CTPS1: variants seen among roughly 807,000 people sequenced by gnomAD.
CTPS1 encodes CTP synthetase 1.
A neutral mutation model predicts 80.5 loss-of-function variants in CTPS1; 25 were observed. The observed-to-expected ratio is 0.31, with a 90% confidence interval of 0.23 to 0.43. The LOEUF (loss-of-function observed/expected upper bound fraction) is 0.43. Ranked by LOEUF, CTPS1 falls within the 20% of genes least tolerant of loss-of-function variation. The pLI is 1.00. For missense variants in CTPS1, 442 were observed against 725.7 expected (o/e 0.61, Z 4.49); for synonymous variants, 267 against 252.5 (o/e 1.06, Z -0.54).
chr1:40,997,305 G>C (rs1470839043), intron 8 of CTPS1, 89 bp from the exon 9 acceptor site: 18 of 1,473,418 alleles, frequency 1.2e-5, no homozygotes, highest in Non-Finnish European at 1.5e-5. Flanking sequence ...GGCCAGACGT[G>C]GTTTTTTTTC....
chr1:41,003,309 G>A (rs1642954716), intron 12 of CTPS1, 133 bp downstream of exon 12: 3 of 895,598 alleles, frequency 3.3e-6, no homozygotes, highest in Non-Finnish European at 5.4e-6. Flanking sequence ...ATGGTGTGCC[G>A]TAAGGGAGCT....
At chr1:40,990,822 A>G (rs1225893938) in intron 5 of CTPS1, among the ~76,000 whole-genome samples, 1 of 152,188 alleles carries the variant, frequency 6.6e-6, no homozygotes, top group Admixed American at 6.5e-5. Flanking sequence ...GAAAGTGTCT[A>G]ATGGGGGCAG....
intron 17 of CTPS1, 82 bp from the exon 18 acceptor site, chr1:41,010,079 T>C: frequency 1.1e-6 from 1 of 872,248 alleles, no homozygotes; most frequent in Middle Eastern, 2.2e-4. Flanking sequence ...CAAGTGTCCC[T>C]GTAGGAACCG....
At chr1:40,994,782 T>C (rs954350471) in intron 7 of CTPS1, among the ~76,000 whole-genome samples, 6 of 152,258 alleles carry the variant, frequency 3.9e-5, no homozygotes, top group Non-Finnish European at 7.3e-5. Flanking sequence ...AACATTAATA[T>C]TAAACCATGT....
At chr1:40,983,984 T>C (rs1242832315) in intron 2 of CTPS1, among the ~76,000 whole-genome samples, 1 of 152,218 alleles carries the variant, frequency 6.6e-6, no homozygotes, top group Non-Finnish European at 1.5e-5. Flanking sequence ...AAAGATTAAT[T>C]GCTTAAAACT....
Position 41,006,162 on chromosome 1 carries a change from G to T in CTPS1, c.1296+68G>T, listed in dbSNP as rs769146378. The stretch of plus-strand genomic sequence containing the variant: ...AGAAGGGGCATTTATGAACGTGATT[G>T]ATGATTAGAGACAAGAAGTGAGACT... On this transcript the variant is annotated intron_variant, in intron 13 of 18. Transcript: ENST00000650070. 186 of 1,300,838 alleles carry T rather than the reference G, an allele frequency of 1.4e-4. 1 individual carries two copies. The highest frequency in any genetic ancestry group is 1.9e-4 in the Non-Finnish European group (168 of 899,918). The allele number at this position is 1,300,838 out of a possible 1,614,324, so 80.6% of individuals were successfully genotyped here.
intron 9 of CTPS1, among the ~76,000 whole-genome samples, chr1:40,999,921 G>A (rs1053203162): frequency 6.6e-6 from 1 of 152,128 alleles, no homozygotes; most frequent in African/African-American, 2.4e-5. Context: ...GCTCTGCTGT[G>A]GGAGGATCGC....
At chr1:41,008,952 A>C in intron 16 of CTPS1, 62 bp downstream of exon 16, 1 of 1,285,900 alleles carries the variant, frequency 7.8e-7, no homozygotes, top group Non-Finnish European at 1.1e-6. Flanking sequence ...GCATATGGGA[A>C]AATATAAAAA....
In CTPS1 at chr1:40,988,605, C is replaced by T. The variant is rs779429212; in HGVS notation, c.450C>T (p.Thr150=). The part of the protein sequence containing the change: ...PQVCVIELGG[T]VGDIESMPFI... ...CTTTGTTCTTCTAGCTTGGTGGAAC[C>T]GTGGGGGACATAGAAAGCATGCCCT... The change falls in exon 5 of 19, where the codon ACC becomes ACT. Residue 150 remains threonine (T), a synonymous_variant. Transcript: ENST00000650070. The T allele has an allele frequency of 2.1e-5, 34 of 1,613,220 alleles. No individual in the cohort carries two copies. Among genetic ancestry groups the T allele is most frequent in the African/African-American group, 2.7e-5 (2 of 74,890 alleles).
intron 4 of CTPS1, 140 bp downstream of exon 4, chr1:40,987,612 C>T (rs1642488704): frequency 1.8e-6 from 1 of 554,322 alleles, no homozygotes. Flanking sequence ...GGTAAGGGCA[C>T]AGTTAACAGT....
At chr1:41,005,993 A>C in intron 12 of CTPS1, 58 bp from the exon 13 acceptor site, 1 of 1,376,960 alleles carries the variant, frequency 7.3e-7, no homozygotes, top group Non-Finnish European at 1.0e-6. Flanking sequence ...CTTAGCAATG[A>C]AACTATTAAT....
At chr1:41,003,652 T>C (rs928958749) in intron 12 of CTPS1, among the ~76,000 whole-genome samples, 1 of 152,236 alleles carries the variant, frequency 6.6e-6, no homozygotes, top group Non-Finnish European at 1.5e-5. Context: ...GTACTTCACA[T>C]GATTAAGGGA....
chr1:40,990,073 AC>A (rs35160190), intron 5 of CTPS1, among the ~76,000 whole-genome samples: 3 of 151,636 alleles, frequency 2.0e-5, no homozygotes, highest in Non-Finnish European at 4.4e-5. Context: ...ACATGAACCT[AC>A]CCCCCCGTAT....
At chr1:40,981,404 A>G (rs138020252) in intron 1 of CTPS1, among the ~76,000 whole-genome samples, 115 of 152,358 alleles carry the variant, frequency 7.5e-4, no homozygotes, top group Non-Finnish European at 1.4e-3. Flanking sequence ...ATGTAATTGG[A>G]TGAGATGAAT....
chr1:40,997,640 A>AATTACT, intron 9 of CTPS1, 114 bp downstream of exon 9: 1 of 1,302,766 alleles, frequency 7.7e-7, no homozygotes, highest in East Asian at 2.6e-5. Flanking sequence ...CTTTTTAAGG[A>AATTACT]ATTACTTTTT....
chr1:40,997,354 C>T, intron 8 of CTPS1, 40 bp from the exon 9 acceptor site: 1 of 1,601,556 alleles, frequency 6.2e-7, no homozygotes. Context: ...TAGCGTGTAC[C>T]TTCTGAGTAA....
chr1:41,007,670 C>A lies in CTPS1; in HGVS notation c.1393+125C>A. 2.8e-6 allele frequency: 2 copies of A among 711,550 alleles called. No homozygotes were observed. The highest frequency in any genetic ancestry group is 4.8e-6 in the Non-Finnish European group (2 of 413,586). 44.1% of individuals were successfully genotyped at this position (711,550 alleles called of 1,614,324 possible). ...TGGTTTCGTTCTTGCTTTTGAAGTT[C>A]ATTCTTTCCTCTCTTATTCATACCC... On this transcript the variant is annotated intron_variant, in intron 14 of 18. Transcript: ENST00000650070. The surrounding 1 kb of genome is among the most constrained non-coding windows in gnomAD (Gnocchi z 4.4).
chr1:41,002,102 T>C, intron 10 of CTPS1, 58 bp from the exon 11 acceptor site: 2 of 1,503,284 alleles, frequency 1.3e-6, no homozygotes, highest in Non-Finnish European at 1.9e-6. Context: ...TAGGCGATTA[T>C]TGCAAGTTGG....
At chr1:40,983,223 T>G in intron 1 of CTPS1, 55 bp from the exon 2 acceptor site, 34 of 1,465,650 alleles carry the variant, frequency 2.3e-5, no homozygotes, top group Non-Finnish European at 3.0e-5. Context: ...TGAACCCAGA[T>G]GAGTTTGGTT....
Sources: gnomAD v4.1 joint callset for allele counts (sites outside exome capture counted in the v4.1 genomes callset) on GRCh38, gnomAD v4.1.1 for gene constraint, Gnocchi (gnomAD v3.1) non-coding constraint, MANE v1.5 for transcripts, NCBI Gene and HGNC (gene_info 2026-07-23, HGNC 2026-07-21) for gene names.